MSH4: variants seen among roughly 807,000 people sequenced by gnomAD.
The protein encoded by MSH4 is mutS homolog 4.
MSH4 carries 106 observed loss-of-function variants against 113.7 expected under a neutral mutation model. The observed-to-expected ratio is 0.93, with a 90% confidence interval of 0.80 to 1.10. MSH4 has a LOEUF of 1.10. MSH4 is among the 50% of genes least tolerant of loss of function. The pLI is 0.00. For synonymous variants in MSH4, 368 were observed against 380.2 expected, an observed-to-expected ratio of 0.97 and a Z score of 0.37; for missense variants, 1,061 against 1,093.7, an observed-to-expected ratio of 0.97 and a Z score of 0.42.
intron 16 of MSH4, among the ~76,000 whole-genome samples, chr1:75,889,611 T>TA (rs1652206011): frequency 6.6e-6 from 1 of 152,150 alleles, no homozygotes; most frequent in African/African-American, 2.4e-5. Flanking sequence ...AAAGTGTGCC[T>TA]AAATGTTTTT....
chr1:75,889,387 T>C lies in MSH4; in HGVS notation c.2226+18T>C, dbSNP rs745374246. The C allele has an allele frequency of 8.8e-7, 1 of 1,137,588 alleles. No homozygotes were observed. Among genetic ancestry groups the C allele is most frequent in the East Asian group, 2.5e-5 (1 of 39,330 alleles). 70.5% of individuals were successfully genotyped at this position (1,137,588 alleles called of 1,614,324 possible). ...TGAAAGAGGTACCCAAACAAAACTT[T>C]TCTTATGTTAAAAACATTAAATTCT... On this transcript the variant is annotated intron_variant, in intron 16 of 19. Transcript: ENST00000263187.
intron 8 of MSH4, among the ~76,000 whole-genome samples, chr1:75,860,764 A>G (rs937542232): frequency 1.3e-5 from 2 of 152,110 alleles, no homozygotes; most frequent in African/African-American, 4.8e-5. Context: ...CTTGAGGAGT[A>G]TCTTTGTGAT....
At chr1:75,828,662 G>T (rs112571996) in intron 7 of MSH4, among the ~76,000 whole-genome samples, 6 of 152,148 alleles carry the variant, frequency 3.9e-5, no homozygotes, top group Non-Finnish European at 8.8e-5. Context: ...CTCCAAAAGG[G>T]GAGAGGAATG....
At position 75,912,314 on chromosome 1, in the gene MSH4, G is replaced by A. The variant is rs1278313364; in HGVS notation, c.2620-382G>A. 2.6e-5 allele frequency among the ~76,000 whole-genome samples: 4 copies of A among 151,986 alleles called. 1 individual carries two copies. The highest frequency in any genetic ancestry group is 4.8e-5 in the African/African-American group (2 of 41,394). ...ATATTACCACATAGCAATGAACAAT[G>A]CTGTTTTCCCATACCTTTTTAATGG... is the stretch of plus-strand genomic sequence containing the variant. On this transcript the variant is annotated intron_variant, in intron 19 of 19. Coordinates refer to ENST00000263187, the MANE Select transcript of MSH4 (RefSeq NM_002440.4).
chr1:75,875,302 T>C (rs1424049591), intron 9 of MSH4, among the ~76,000 whole-genome samples: 1 of 152,154 alleles, frequency 6.6e-6, no homozygotes, highest in Non-Finnish European at 1.5e-5. Flanking sequence ...GTAATGACGA[T>C]GAAGATGATG....
At chr1:75,857,565 A>T (rs536274876) in intron 8 of MSH4, among the ~76,000 whole-genome samples, 5 of 151,990 alleles carry the variant, frequency 3.3e-5, no homozygotes, top group African/African-American at 1.2e-4. Context: ...CATTGCTTGT[A>T]TGTCTCAGGT....
In MSH4 at chr1:75,848,842, T is replaced by A. The variant is rs1413756987; in HGVS notation, c.1230+566T>A. On this transcript the variant is annotated intron_variant, in intron 8 of 19. Coordinates refer to ENST00000263187, the MANE Select transcript of MSH4 (RefSeq NM_002440.4). Reference sequence around the variant, plus strand: ...TCAAAAGACTTAGACTATAATAATATTTGCCTAATAACTAACTAACTAAAA... The same window carrying A: ...TCAAAAGACTTAGACTATAATAATAATTGCCTAATAACTAACTAACTAAAA... 2.6e-5 allele frequency among the ~76,000 whole-genome samples: 4 copies of A among 152,296 alleles called. No individual in the cohort carries two copies. In the East Asian group the frequency reaches 7.7e-4, roughly 29 times the overall value.
At chr1:75,907,684 C>CTCTCTCTCTATATATATATATA (rs1307238647) in intron 19 of MSH4, among the ~76,000 whole-genome samples, 9 of 46,536 alleles carry the variant, frequency 1.9e-4, no homozygotes, top group Non-Finnish European at 3.0e-4. Flanking sequence ...CTCTCTCTCT[C>CTCTCTCTCTATATATATATATA]TATACATATA....
At chr1:75,814,528 CATAG>C (rs5745371) in intron 4 of MSH4, among the ~76,000 whole-genome samples, 6,158 of 152,028 alleles carry the variant, frequency 0.041, 144 homozygotes, top group African/African-American at 0.043. Flanking sequence ...AATAGTATAT[CATAG>C]ATAGGTAGAA....
intron 17 of MSH4, among the ~76,000 whole-genome samples, chr1:75,896,427 T>C (rs1652386102): frequency 6.6e-6 from 1 of 151,108 alleles, no homozygotes; most frequent in Admixed American, 6.6e-5. Flanking sequence ...GAACCCCATC[T>C]AATACAGTAT....
At chr1:75,882,388 A>G (rs1438477668) in intron 14 of MSH4, among the ~76,000 whole-genome samples, 3 of 151,894 alleles carry the variant, frequency 2.0e-5, no homozygotes, top group Non-Finnish European at 4.4e-5. Flanking sequence ...AAAGGTATGG[A>G]ACATTTTGGT....
At chr1:75,868,167 A>G (rs531237683) in intron 9 of MSH4, among the ~76,000 whole-genome samples, 1 of 152,302 alleles carries the variant, frequency 6.6e-6, no homozygotes, top group African/African-American at 2.4e-5. Flanking sequence ...ATCTGTGCAT[A>G]TTTGGCCTTA....
At position 75,815,039 on chromosome 1, in the gene MSH4, A is replaced by G; in HGVS notation, c.718A>G (p.Ile240Val). The change falls in exon 5 of 20, where the codon ATC (isoleucine) becomes GTC (valine). Residue 240 changes from isoleucine (I) to valine (V), a missense_variant. Ile to Val is a conservative substitution (Grantham distance 29). Coordinates refer to ENST00000263187, the MANE Select transcript of MSH4 (RefSeq NM_002440.4). Reference sequence around the variant, plus strand: ...TTTTCAGAATGTTAATTTCACTACTATCCAAAGGAAATACTTCAATGAAAC... The same window carrying G: ...TTTTCAGAATGTTAATTTCACTACTGTCCAAAGGAAATACTTCAATGAAAC... ...ENFKNVNFTT[I>V]QRKYFNETKG... 1 of 1,590,980 alleles carries G rather than the reference A, an allele frequency of 6.3e-7. No homozygotes were observed. The highest frequency in any genetic ancestry group is 1.1e-5 in the South Asian group (1 of 88,748).
chr1:75,883,604 CTATTT>C lies in MSH4; in HGVS notation c.1907-15_1907-11del. 1 of 1,590,486 alleles carries C rather than the reference CTATTT, an allele frequency of 6.3e-7. No individual in the cohort carries two copies. ...AATATATTAATCTTTAAAAACCATTCTATTTTTTTTCTTAAGTTCGACCAGAATTT... is the reference window on the plus strand; with the variant it reads ...AATATATTAATCTTTAAAAACCATTCTTTTTCTTAAGTTCGACCAGAATTT... On this transcript the variant is annotated splice_polypyrimidine_tract_variant and intron_variant, in intron 14 of 19. Transcript: ENST00000263187.
intron 19 of MSH4, among the ~76,000 whole-genome samples, chr1:75,902,673 GTATATATATATATATATATATATA>G (rs34304425): frequency 0.02 from 1,794 of 90,098 alleles, 52 homozygotes; most frequent in Non-Finnish European, 0.029. Context: ...ATATGTGTAT[GTATATATATATATATATATATATA>G]TATATATATA....
chr1:75,910,640 TTTTC>T (rs1403721369), intron 19 of MSH4, among the ~76,000 whole-genome samples: 2 of 152,156 alleles, frequency 1.3e-5, no homozygotes, highest in Non-Finnish European at 2.9e-5. Context: ...CCCTTGTTTC[TTTTC>T]TTTCTAAAAT....
Position 75,862,176 on chromosome 1 carries a change from A to G in MSH4, c.1231-5338A>G, listed in dbSNP as rs192843876. ...AGTATTTGGGCAAGAGTGCTCCTCC[A>G]GGTACAGTCACTCACAACTTCCCTT... On this transcript the variant is annotated intron_variant, in intron 8 of 19. Transcript: ENST00000263187. Among the ~76,000 whole-genome samples, 252 of 152,236 alleles carry G rather than the reference A, an allele frequency of 1.7e-3. 1 individual carries two copies. The highest frequency in any genetic ancestry group is 9.0e-4 in the Non-Finnish European group (61 of 68,012).
chr1:75,850,413 G>A (rs1028745582), intron 8 of MSH4, among the ~76,000 whole-genome samples: 7 of 152,078 alleles, frequency 4.6e-5, no homozygotes, highest in African/African-American at 1.7e-4. Flanking sequence ...ATTCTTTGAT[G>A]TATGGGTTTT....
intron 8 of MSH4, among the ~76,000 whole-genome samples, chr1:75,862,713 T>G (rs1191217081): frequency 6.6e-6 from 1 of 152,202 alleles, no homozygotes; most frequent in Non-Finnish European, 1.5e-5. Context: ...ACAAATCTCT[T>G]AATTGAATAC....
Sources: allele counts gnomAD v4.1 joint callset (sites outside exome capture counted in the v4.1 genomes callset), GRCh38; gene constraint gnomAD v4.1.1; transcripts MANE v1.5; gene names NCBI Gene and HGNC (gene_info 2026-07-23, HGNC 2026-07-21).